Variants in FANCB observed in about 807,000 individuals in gnomAD.
The protein encoded by FANCB is FA complementation group B.
In FANCB, 5 loss-of-function variants were observed where a neutral mutation model predicts 38.9. That is an observed-to-expected ratio of 0.13 (90% CI 0.07 to 0.27). The LOEUF is 0.27. Ranked by LOEUF, FANCB falls within the 10% of genes least tolerant of loss-of-function variation. The probability of loss-of-function intolerance (pLI) is 1.00; values close to 1 mark genes in which losing one functional copy is unlikely to be tolerated. For missense variants in FANCB, 573 were observed against 602.7 expected, an observed-to-expected ratio of 0.95 and a Z score of 0.52; for synonymous variants, 236 against 215.4, an observed-to-expected ratio of 1.10 and a Z score of -0.84.
chrX:14,796,699 C>A, the FANCB span, among the ~76,000 whole-genome samples: 1 of 100,455 alleles, frequency 1.0e-5, no homozygotes, highest in Non-Finnish European at 2.0e-5. Flanking sequence ...TATATACACA[C>A]ACACACACAC....
chrX:14,775,470 C>T, the FANCB span, among the ~76,000 whole-genome samples: 13 of 111,434 alleles, frequency 1.2e-4, no homozygotes, highest in African/African-American at 2.6e-4. Context: ...GATAGCTATT[C>T]GAGACTAGCT....
At chrX:14,749,551 C>T in the FANCB span, among the ~76,000 whole-genome samples, 7 of 111,413 alleles carry the variant, frequency 6.3e-5, no homozygotes, top group African/African-American at 9.8e-5. Context: ...ACATAAAATT[C>T]GTATACAAAA....
chrX:14,694,322 T>C, the FANCB span, among the ~76,000 whole-genome samples: 23 of 111,904 alleles, frequency 2.1e-4, no homozygotes, highest in African/African-American at 6.5e-4. Context: ...AGGTTAAATA[T>C]ATATATTCAT....
the FANCB span, among the ~76,000 whole-genome samples, chrX:14,747,723 T>C: frequency 8.9e-6 from 1 of 112,096 alleles, no homozygotes; most frequent in South Asian, 3.7e-4. Flanking sequence ...CAACTGTTTG[T>C]CAATAGCCAT....
chrX:14,708,011 T>C, the FANCB span, among the ~76,000 whole-genome samples: 15 of 109,927 alleles, frequency 1.4e-4, no homozygotes, highest in African/African-American at 1.0e-4. Context: ...CCTCCCTCCT[T>C]CTTTCTTTCA....
chrX:14,698,361 A>AT, the FANCB span, among the ~76,000 whole-genome samples: 9 of 109,647 alleles, frequency 8.2e-5, no homozygotes, highest in Admixed American at 1.9e-4. Context: ...GCCTGAGTTA[A>AT]TTTTTTTTTA....
chrX:14,760,284 GGAATAAACC>G, the FANCB span, among the ~76,000 whole-genome samples: 3 of 112,107 alleles, frequency 2.7e-5, no homozygotes, highest in Admixed American at 1.9e-4. Flanking sequence ...TATGCTAAAT[GGAATAAACC>G]AGGCACAGAA....
chrX:14,775,122 G>A, the FANCB span, among the ~76,000 whole-genome samples: 7 of 97,847 alleles, frequency 7.2e-5, no homozygotes, highest in Admixed American at 2.3e-4. Context: ...GTGAGCCACC[G>A]CACCCGGCCT....
chrX:14,735,488 A>G, the FANCB span, among the ~76,000 whole-genome samples: 1 of 110,771 alleles, frequency 9.0e-6, no homozygotes, highest in Non-Finnish European at 1.9e-5. Flanking sequence ...AACAGTCAGG[A>G]CCCTCTGCTG....
chrX:14,737,034 G>A, the FANCB span, among the ~76,000 whole-genome samples: 7,151 of 110,207 alleles, frequency 0.065, 301 homozygotes, highest in African/African-American at 0.14. Flanking sequence ...GCACACTCCT[G>A]TAGTCCCAGC....
the FANCB span, among the ~76,000 whole-genome samples, chrX:14,721,050 G>C: frequency 4.7e-5 from 5 of 106,847 alleles, no homozygotes; most frequent in Admixed American, 5.1e-4. Context: ...AGTCTGGGTA[G>C]TCGAGGCTGC....
At chrX:14,870,737 T>A (rs2092492426) in intron 1 of FANCB, among the ~76,000 whole-genome samples, 1 of 111,759 alleles carries the variant, frequency 8.9e-6, no homozygotes, top group Admixed American at 9.5e-5. Flanking sequence ...TGCTCATAAA[T>A]CATTTTGGCC....
the FANCB span, among the ~76,000 whole-genome samples, chrX:14,735,612 G>A: frequency 0.014 from 1,565 of 111,759 alleles, 25 homozygotes; most frequent in African/African-American, 0.041. Context: ...TGGAAGCTTC[G>A]TCCCAGAGGG....
the FANCB span, among the ~76,000 whole-genome samples, chrX:14,809,967 T>C: frequency 1.8e-5 from 2 of 111,550 alleles, no homozygotes; most frequent in African/African-American, 6.5e-5. Flanking sequence ...CACGGCCGGG[T>C]ACCCCTCTGA....
the FANCB span, among the ~76,000 whole-genome samples, chrX:14,811,642 T>TA: frequency 9.0e-6 from 1 of 111,730 alleles, no homozygotes; most frequent in African/African-American, 3.3e-5. Context: ...ATACACCCAA[T>TA]ACAGGAGCAC....
chrX:14,752,159 C>A, the FANCB span, among the ~76,000 whole-genome samples: 1 of 111,647 alleles, frequency 9.0e-6, no homozygotes, highest in African/African-American at 3.3e-5. Context: ...TTACCCTAAT[C>A]ACCAATAAGA....
At chrX:14,856,929 T>C (rs1176214482) in intron 5 of FANCB, among the ~76,000 whole-genome samples, 2 of 112,255 alleles carry the variant, frequency 1.8e-5, no homozygotes, top group African/African-American at 6.5e-5. Flanking sequence ...ATGGACAAGA[T>C]AGCAAATAAG....
chrX:14,863,145 G>A (rs1476570997), intron 3 of FANCB, among the ~76,000 whole-genome samples: 2 of 111,772 alleles, frequency 1.8e-5, no homozygotes, highest in Non-Finnish European at 3.8e-5. Context: ...ACTTGGTAAG[G>A]CAAAGCCTGA....
chrX:14,769,129 TTG>T, the FANCB span, among the ~76,000 whole-genome samples: 1 of 111,341 alleles, frequency 9.0e-6, no homozygotes, highest in African/African-American at 3.3e-5. Context: ...TCTTTTTTTG[TTG>T]TTGTATCTCT....
Sources: gnomAD v4.1 joint callset for allele counts (sites outside exome capture counted in the v4.1 genomes callset) on GRCh38, gnomAD v4.1.1 for gene constraint, MANE v1.5 for transcripts, NCBI Gene and HGNC (gene_info 2026-07-23, HGNC 2026-07-21) for gene names.